Variants in UTP20 observed in about 807,000 individuals in gnomAD.
The protein encoded by UTP20 is small subunit processome component 20 homolog.
UTP20 carries 164 observed loss-of-function variants against 329.5 expected under a neutral mutation model. That is an observed-to-expected ratio of 0.50 (90% CI 0.44 to 0.57). UTP20 has a LOEUF of 0.57. UTP20 is among the 20% of genes least tolerant of loss of function. The pLI, the probability that UTP20 is intolerant of heterozygous loss-of-function variation, is 0.00. For synonymous variants in UTP20, 1,151 were observed against 1,159.3 expected (o/e 0.99, Z 0.14); for missense variants, 3,055 against 3,284.2 (o/e 0.93, Z 1.71).
intron 2 of UTP20, among the ~76,000 whole-genome samples, chr12:101,283,176 G>A (rs1165784740): frequency 1.3e-5 from 2 of 152,194 alleles, no homozygotes; most frequent in Non-Finnish European, 2.9e-5. Flanking sequence ...AGCCACAGGA[G>A]AGGTTGAAGG....
intron 36 of UTP20, 50 bp from the exon 37 acceptor site, chr12:101,345,504 A>G: frequency 8.1e-7 from 1 of 1,228,716 alleles, no homozygotes; most frequent in South Asian, 1.8e-5. Flanking sequence ...TCATATTAGA[A>G]ACAAATTCTT....
intron 60 of UTP20, among the ~76,000 whole-genome samples, chr12:101,384,376 A>C (rs1870758358): frequency 1.3e-5 from 2 of 152,304 alleles, no homozygotes; most frequent in South Asian, 4.1e-4. Flanking sequence ...CCCCATCTCT[A>C]CAAAAGATAC....
In UTP20 at chr12:101,344,596, TAGGA is replaced by T; in HGVS notation, c.4452_4455del (p.Gly1485IlefsTer2). On this transcript the variant is annotated frameshift_variant and splice_region_variant, in exon 36 of 62. Coordinates refer to ENST00000261637, the MANE Select transcript of UTP20 (RefSeq NM_014503.3). LOFTEE classifies it high-confidence loss of function. Reference sequence around the variant, plus strand: ...CTTTTTTATTTCTCTTTTTTGCAGTTAGGAGATATGAGTTTAAGTGATAATGCCA... The same window carrying T: ...CTTTTTTATTTCTCTTTTTTGCAGTTGATATGAGTTTAAGTGATAATGCCA... 1 of 944,596 alleles carries T rather than the reference TAGGA, an allele frequency of 1.1e-6. No homozygotes were observed. The highest frequency in any genetic ancestry group is 1.6e-5 in the African/African-American group (1 of 62,494). 58.5% of individuals were successfully genotyped at this position (944,596 alleles called of 1,614,324 possible).
At chr12:101,365,750 C>A in intron 46 of UTP20, 125 bp downstream of exon 46, 1 of 687,116 alleles carries the variant, frequency 1.5e-6, no homozygotes, top group Non-Finnish European at 2.2e-6. Flanking sequence ...TCAGATGGTA[C>A]TTTATGGTGT....
rs552230320 is a variant in UTP20 at position 101,298,915 on chromosome 12, G to A, written c.1431-767G>A. Reference sequence around the variant, plus strand: ...CCTTCCCCTACCTGACCATTTTTTGGTGAATTTTAATGATAAAAAGGGTGC... The same window carrying A: ...CCTTCCCCTACCTGACCATTTTTTGATGAATTTTAATGATAAAAAGGGTGC... On this transcript the variant is annotated intron_variant, in intron 12 of 61. Coordinates refer to ENST00000261637, the MANE Select transcript of UTP20 (RefSeq NM_014503.3). Among the ~76,000 whole-genome samples the A allele has an allele frequency of 8.7e-5, 13 of 149,926 alleles. No individual in the cohort carries two copies. In the South Asian group the frequency reaches 2.7e-3, roughly 32 times the overall value.
In UTP20 at chr12:101,343,105, T is replaced by C. The variant is rs755075354; in HGVS notation, c.4449+12T>C. ...TCTATAATCTAGAGGTAGGTTATTATAGCAAAATTTTTAAATTATTTTTTA... is the reference window on the plus strand; with the variant it reads ...TCTATAATCTAGAGGTAGGTTATTACAGCAAAATTTTTAAATTATTTTTTA... On this transcript the variant is annotated intron_variant, in intron 35 of 61. Transcript: ENST00000261637. 1.9e-6 allele frequency: 3 copies of C among 1,560,972 alleles called. No homozygotes were observed. The highest frequency in any genetic ancestry group is 2.4e-5 in the South Asian group (2 of 84,012).
chr12:101,299,075 A>G (rs55930327), intron 12 of UTP20, among the ~76,000 whole-genome samples: 2,831 of 152,260 alleles, frequency 0.019, 51 homozygotes, highest in African/African-American at 0.049. Context: ...TGTCTTTCAA[A>G]TAGGACCGAG....
intron 30 of UTP20, 30 bp from the exon 31 acceptor site, chr12:101,338,783 A>G: frequency 3.9e-6 from 6 of 1,557,294 alleles, no homozygotes; most frequent in Non-Finnish European, 5.2e-6. Flanking sequence ...AGAGTTTATT[A>G]AAATCAAATC....
rs766488490 is a variant in UTP20, at chr12:101,369,759, G to A, written c.6423G>A (p.Leu2141=). ...TGALQCLIWV[L]RFPLPSIETK... is the part of the protein sequence containing the mutation. ...CTTTACAGTGCCTCATCTGGGTCTT[G>A]AGGTTCCCGCTACCTTCCATAGAAA... Residue 2141 remains leucine (L), a synonymous_variant, in exon 49 of 62, where the codon TTG becomes TTA. Transcript: ENST00000261637. 6.2e-7 allele frequency: 1 copy of A among 1,604,402 alleles called. No homozygotes were observed. The highest frequency in any genetic ancestry group is 1.1e-5 in the South Asian group (1 of 90,804).
In UTP20 at chr12:101,319,525, T is replaced by C. The variant is rs1459596182; in HGVS notation, c.2739-20T>C. 1 of 1,563,406 alleles carries C rather than the reference T, an allele frequency of 6.4e-7. No homozygotes were observed. The highest frequency in any genetic ancestry group is 1.9e-5 in the Admixed American group (1 of 53,260). On this transcript the variant is annotated intron_variant, in intron 22 of 61. Coordinates refer to ENST00000261637, the MANE Select transcript of UTP20 (RefSeq NM_014503.3). ...TCAATTCTTTAATTCTGTAACACTC[T>C]CTGTTTTGTTTTTGTTTAGGCAATT... is the stretch of plus-strand genomic sequence containing the variant.
At chr12:101,312,427 G>GTT in intron 21 of UTP20, 151 bp downstream of exon 21, 1 of 1,223,990 alleles carries the variant, frequency 8.2e-7, no homozygotes, top group Non-Finnish European at 1.1e-6. Flanking sequence ...TTTTTTGTTT[G>GTT]TTTGTTTTTG....
At chr12:101,372,727 T>G (rs1870334718) in intron 51 of UTP20, among the ~76,000 whole-genome samples, 157 bp from the exon 52 acceptor site, 1 of 152,246 alleles carries the variant, frequency 6.6e-6, no homozygotes, top group Non-Finnish European at 1.5e-5. Context: ...TGCTATTGAC[T>G]TCATAGGCAG....
At position 101,334,413 on chromosome 12, in the gene UTP20, T is replaced by C; in HGVS notation, c.3562-12T>C. On this transcript the variant is annotated splice_polypyrimidine_tract_variant and intron_variant, in intron 28 of 61. Coordinates refer to ENST00000261637, the MANE Select transcript of UTP20 (RefSeq NM_014503.3). ...ATGTATTTGGTATTCTGTTTTTTAC[T>C]TTGTCTCCTAGATCAGCAGGCTTGG... 1 of 1,608,600 alleles carries C rather than the reference T, an allele frequency of 6.2e-7. No individual in the cohort carries two copies. Among genetic ancestry groups the C allele is most frequent in the Non-Finnish European group, 8.5e-7 (1 of 1,178,526 alleles).
At position 101,329,320 on chromosome 12, in the gene UTP20, T is replaced by C; in HGVS notation, c.3288T>C (p.Gly1096=). The C allele has an allele frequency of 6.2e-7, 1 of 1,614,180 alleles. No individual in the cohort carries two copies. ...SKVLPLGRQH[G]ILNSLEIVLK... is the part of the protein sequence containing the mutation. Reference sequence around the variant, plus strand: ...TTCTTCCTTTAGGTCGTCAGCACGGTATCTTAAACAGCCTTGAGATAGTAT... The same window carrying C: ...TTCTTCCTTTAGGTCGTCAGCACGGCATCTTAAACAGCCTTGAGATAGTAT... The change falls in exon 27 of 62, where the codon GGT becomes GGC. Residue 1096 remains glycine, a synonymous_variant. Transcript: ENST00000261637.
intron 14 of UTP20, among the ~76,000 whole-genome samples, chr12:101,301,244 A>T (rs1241029916): frequency 6.6e-6 from 1 of 152,130 alleles, no homozygotes; most frequent in Non-Finnish European, 1.5e-5. Flanking sequence ...ATTATGTTGG[A>T]TATCATGGCT....
chr12:101,368,473 C>T (rs1191715536), intron 48 of UTP20, among the ~76,000 whole-genome samples: 1 of 152,016 alleles, frequency 6.6e-6, no homozygotes, highest in African/African-American at 2.4e-5. Context: ...ACATCGTGAA[C>T]CACCACTATT....
Position 101,291,966 on chromosome 12 carries a change from G to T in UTP20, c.1039-4G>T. 6.2e-7 allele frequency: 1 copy of T among 1,606,512 alleles called. No homozygotes were observed. ...TGAGTATGCATTGTTTTTTCTTTTT[G>T]CAGGTGTTATCTCAAACACTGCAAG... On this transcript the variant is annotated splice_polypyrimidine_tract_variant and splice_region_variant and intron_variant, in intron 9 of 61. Transcript: ENST00000261637.
chr12:101,373,317 C>T (rs1870353549), intron 52 of UTP20, 84 bp from the exon 53 acceptor site: 1 of 1,334,284 alleles, frequency 7.5e-7, no homozygotes, highest in African/African-American at 1.5e-5. Context: ...TAAACTGACA[C>T]CTTGATACAA....
At chr12:101,355,925 T>A (rs1869704820) in intron 41 of UTP20, among the ~76,000 whole-genome samples, 1 of 152,234 alleles carries the variant, frequency 6.6e-6, no homozygotes, top group Non-Finnish European at 1.5e-5. Flanking sequence ...TATATGAGTT[T>A]CCTATACTTG....
Sources: gnomAD v4.1 joint callset for allele counts (sites outside exome capture counted in the v4.1 genomes callset) on GRCh38, gnomAD v4.1.1 for gene constraint, MANE v1.5 for transcripts, NCBI Gene and HGNC (gene_info 2026-07-23, HGNC 2026-07-21) for gene names.